EVI5: variants seen among roughly 807,000 people sequenced by gnomAD.
The protein encoded by EVI5 is ecotropic viral integration site 5.
EVI5 carries 73 observed loss-of-function variants against 112.0 expected under a neutral mutation model. That is an observed-to-expected ratio of 0.65 (90% confidence interval 0.54 to 0.79). The LOEUF is 0.79. EVI5 is among the 30% of genes least tolerant of loss of function. The pLI, the probability that EVI5 is intolerant of heterozygous loss-of-function variation, is 0.00. For missense variants in EVI5, 900 were observed against 968.8 expected (o/e 0.93, Z 0.94); for synonymous variants, 305 against 319.9 (o/e 0.95, Z 0.50).
chr1:92,559,517 T>C (rs555284524), intron 19 of EVI5, among the ~76,000 whole-genome samples: 59 of 152,258 alleles, frequency 3.9e-4, no homozygotes, highest in African/African-American at 1.3e-3. Flanking sequence ...CTCATGCCTG[T>C]AATCCCAGCA....
At chr1:92,638,001 T>A (rs1418326302) in intron 13 of EVI5, among the ~76,000 whole-genome samples, 4 of 152,238 alleles carry the variant, frequency 2.6e-5, no homozygotes, top group Non-Finnish European at 4.4e-5. Flanking sequence ...GGCATTCTTT[T>A]GGAATGACCA....
At chr1:92,528,927 C>A (rs372343329) in intron 19 of EVI5, among the ~76,000 whole-genome samples, 1 of 152,160 alleles carries the variant, frequency 6.6e-6, no homozygotes, top group Non-Finnish European at 1.5e-5. Flanking sequence ...TTTTTCTGTA[C>A]ATATCTCATA....
chr1:92,689,286 T>C (rs184365532), intron 9 of EVI5, among the ~76,000 whole-genome samples: 9 of 151,958 alleles, frequency 5.9e-5, no homozygotes, highest in Admixed American at 2.6e-4. Flanking sequence ...AAGTCCTTAA[T>C]AATGCCCCCT....
At chr1:92,744,596 TCTCTCACACACACA>T (rs1345813281) in intron 1 of EVI5, among the ~76,000 whole-genome samples, 3,224 of 25,494 alleles carry the variant, frequency 0.13, 123 homozygotes, top group African/African-American at 0.18. Flanking sequence ...TCTCTCTCTC[TCTCTCACACACACA>T]CACACACACA....
chr1:92,627,369 T>C (rs1191281205), intron 14 of EVI5, among the ~76,000 whole-genome samples: 1 of 152,238 alleles, frequency 6.6e-6, no homozygotes, highest in Non-Finnish European at 1.5e-5. Flanking sequence ...TAAGTAGTAT[T>C]CCATCATATA....
chr1:92,721,672 A>G (rs1218045451), intron 2 of EVI5, among the ~76,000 whole-genome samples: 1 of 152,166 alleles, frequency 6.6e-6, no homozygotes, highest in African/African-American at 2.4e-5. Flanking sequence ...AACTTAAAGT[A>G]TAACAATAAT....
At position 92,513,694 on chromosome 1, in the gene EVI5, G is replaced by A; in HGVS notation, c.2443C>T (p.Pro815Ser). The change falls in exon 20 of 20, where the codon CCC (proline) becomes TCC (serine). Residue 815 changes from proline (P) to serine (S), a missense_variant. By Grantham distance (74) the Pro-to-Ser change is moderately conservative (BLOSUM62 -1). Transcript: ENST00000684568. ...ESNQVVQKER[P>S]PRRRESYSTT... ...GAATACGACTCTCTTCTTCTCGGGG[G>A]CCGCTCCTTTTGAACCACTTGGTTG... 1 of 1,612,482 alleles carries A rather than the reference G, an allele frequency of 6.2e-7. No individual in the cohort carries two copies. The highest frequency in any genetic ancestry group is 8.5e-7 in the Non-Finnish European group (1 of 1,179,302).
chr1:92,604,946 G>A (rs1169120732), intron 18 of EVI5, among the ~76,000 whole-genome samples: 2 of 152,114 alleles, frequency 1.3e-5, no homozygotes, highest in African/African-American at 4.8e-5. Context: ...TAACCAGAGT[G>A]GTCAAACTCA....
intron 19 of EVI5, among the ~76,000 whole-genome samples, chr1:92,558,038 A>C (rs1202029939): frequency 6.6e-6 from 1 of 152,140 alleles, no homozygotes; most frequent in African/African-American, 2.4e-5. Context: ...GTGCCTGGCC[A>C]AAAAATCTGT....
intron 1 of EVI5, among the ~76,000 whole-genome samples, chr1:92,758,817 A>G (rs1681367590): frequency 6.6e-6 from 1 of 151,476 alleles, no homozygotes; most frequent in East Asian, 2.0e-4. Flanking sequence ...CATAAAACTT[A>G]TAATTAAGGA....
intron 1 of EVI5, among the ~76,000 whole-genome samples, chr1:92,760,652 T>A (rs866192585): frequency 2.0e-5 from 3 of 150,770 alleles, no homozygotes; most frequent in South Asian, 4.2e-4. Context: ...GAGAATTGCT[T>A]GAACCCAGGA....
chr1:92,695,478 A>G, intron 6 of EVI5, 25 bp from the exon 7 acceptor site: 1 of 1,494,390 alleles, frequency 6.7e-7, no homozygotes. Flanking sequence ...ATAATTAGTT[A>G]TAACACAGTA....
chr1:92,580,990 G>A (rs1380692355), intron 18 of EVI5, among the ~76,000 whole-genome samples: 2 of 152,092 alleles, frequency 1.3e-5, no homozygotes, highest in Admixed American at 6.6e-5. Context: ...TTGGTTTTGT[G>A]AATGGTATTT....
intron 19 of EVI5, among the ~76,000 whole-genome samples, chr1:92,546,614 T>A (rs1358979334): frequency 6.6e-6 from 1 of 152,072 alleles, no homozygotes; most frequent in Non-Finnish European, 1.5e-5. Flanking sequence ...GAGAATTGCT[T>A]GAATCCGGGA....
At chr1:92,777,412 G>A (rs749872078) in intron 1 of EVI5, among the ~76,000 whole-genome samples, 29 of 152,232 alleles carry the variant, frequency 1.9e-4, no homozygotes, top group Admixed American at 3.3e-4. Context: ...ATTTTAGGCT[G>A]GACAATTCCT....
chr1:92,631,758 C>T (rs1197056062), intron 14 of EVI5, among the ~76,000 whole-genome samples: 3 of 152,104 alleles, frequency 2.0e-5, no homozygotes, highest in Admixed American at 6.5e-5. Flanking sequence ...TGTCTTGTGC[C>T]CGTTTTCAAA....
intron 18 of EVI5, among the ~76,000 whole-genome samples, chr1:92,592,309 C>A (rs1228814935): frequency 6.6e-6 from 1 of 152,188 alleles, no homozygotes; most frequent in Non-Finnish European, 1.5e-5. Flanking sequence ...ACAACCTGCT[C>A]CTGAATGACT....
intron 18 of EVI5, among the ~76,000 whole-genome samples, chr1:92,586,863 A>T (rs1377844282): frequency 6.6e-6 from 1 of 151,974 alleles, no homozygotes; most frequent in Non-Finnish European, 1.5e-5. Context: ...TTCTGTGAGA[A>T]GCCCTGGTCC....
intron 19 of EVI5, among the ~76,000 whole-genome samples, chr1:92,539,762 T>C (rs190347924): frequency 1.8e-3 from 279 of 152,262 alleles, no homozygotes; most frequent in Non-Finnish European, 2.0e-3. Flanking sequence ...TTGATGGCTT[T>C]TAGTATATGC....
Sources: gnomAD v4.1 joint callset for allele counts (sites outside exome capture counted in the v4.1 genomes callset) on GRCh38, gnomAD v4.1.1 for gene constraint, MANE v1.5 for transcripts, NCBI Gene and HGNC (gene_info 2026-07-23, HGNC 2026-07-21) for gene names.